The following KEL variants were observed in gnomAD, a reference collection of about 807,000 sequenced individuals.
The protein encoded by KEL is Kell metallo-endopeptidase (Kell blood group).
In KEL, 96 loss-of-function variants were observed where a neutral mutation model predicts 99.5. The ratio of observed to expected loss-of-function variants is 0.97; its 90% confidence interval spans 0.82 to 1.14. KEL has a LOEUF of 1.14. KEL is among the 50% of genes most tolerant of loss of function. The pLI is 0.00. For missense variants in KEL, 926 were observed against 924.2 expected (o/e 1.00, Z -0.03); for synonymous variants, 355 against 354.8 (o/e 1.00, Z -0.01).
At chr7:142,952,809 G>T (rs918619575) in intron 9 of KEL, among the ~76,000 whole-genome samples, 171 bp from the exon 10 acceptor site, 1 of 152,220 alleles carries the variant, frequency 6.6e-6, no homozygotes, top group Non-Finnish European at 1.5e-5. Context: ...CATGATGTAG[G>T]TTGGGGTGGG....
chr7:142,945,198 C>T (rs1013983290), intron 11 of KEL, among the ~76,000 whole-genome samples: 4 of 152,218 alleles, frequency 2.6e-5, no homozygotes, highest in Admixed American at 2.0e-4. Flanking sequence ...CCACAAGTCT[C>T]CCTGCCTTCA....
At chr7:142,943,196 C>G in intron 16 of KEL, 80 bp downstream of exon 16, 1 of 1,567,684 alleles carries the variant, frequency 6.4e-7, no homozygotes, top group Non-Finnish European at 8.7e-7. Context: ...CAAATAACCT[C>G]CCTTTCCCCT....
chr7:142,960,817 G>A, intron 4 of KEL, 111 bp downstream of exon 4: 1 of 1,106,782 alleles, frequency 9.0e-7, no homozygotes, highest in Non-Finnish European at 1.4e-6. Context: ...TCCCACCTGG[G>A]ATGGTGCAAA....
intron 10 of KEL, 42 bp downstream of exon 10, chr7:142,952,463 TACTC>T: frequency 6.2e-7 from 1 of 1,610,396 alleles, no homozygotes; most frequent in Non-Finnish European, 8.5e-7. Flanking sequence ...AAAGAGTAGA[TACTC>T]CTTTCGAGTA....
chr7:142,955,034 C>T (rs374788982), intron 6 of KEL, among the ~76,000 whole-genome samples: 2 of 152,174 alleles, frequency 1.3e-5, no homozygotes, highest in East Asian at 3.9e-4. Flanking sequence ...AAGCTGTAAC[C>T]AATCAAGCTG....
At position 142,943,807 on chromosome 7, in the gene KEL, A is replaced by T; in HGVS notation, c.1568T>A (p.Phe523Tyr). ...CCTGTGTTGGGGGTGAGGCTGCAAG[A>T]AGCTCTGGACAATTCTAGCTCGGAG... is the stretch of plus-strand genomic sequence containing the variant. ...RSLRARIVQS[F>Y]LQPHPQHRWK... Residue 523 changes from phenylalanine (F) to tyrosine (Y), a missense_variant, in exon 14 of 19, where the codon TTC becomes TAC. Phe to Tyr is a conservative substitution (Grantham distance 22). Coordinates refer to ENST00000355265, the MANE Select transcript of KEL (RefSeq NM_000420.3). The T allele has an allele frequency of 6.2e-7, 1 of 1,614,144 alleles. No individual in the cohort carries two copies. Among genetic ancestry groups the T allele is most frequent in the Non-Finnish European group, 8.5e-7 (1 of 1,180,008 alleles).
intron 9 of KEL, 86 bp downstream of exon 9, chr7:142,953,722 C>T: frequency 6.5e-7 from 1 of 1,529,328 alleles, no homozygotes; most frequent in Non-Finnish European, 9.0e-7. Flanking sequence ...AGCCTGCCTT[C>T]CCCAAGGTTT....
chr7:142,952,480 T>C, intron 10 of KEL, 29 bp downstream of exon 10: 2 of 1,612,918 alleles, frequency 1.2e-6, no homozygotes, highest in East Asian at 4.5e-5. Flanking sequence ...TTCGAGTATC[T>C]GGGCAAATAC....
chr7:142,957,929 A>T lies in KEL; in HGVS notation c.570T>A (p.Phe190Leu). ...RISGKWTSLN[F>L]NRTLRLLMSQ... is the part of the protein sequence containing the mutation. ...TCATCAGAAGTCTCAGCGTTCGGTT[A>T]AAGTTTAAGGAAGTCCATTTACCAG... Residue 190 changes from phenylalanine to leucine, a missense_variant, in exon 6 of 19, where the codon TTT becomes TTA. Phe to Leu is a conservative substitution (Grantham distance 22). Coordinates refer to ENST00000355265, the MANE Select transcript of KEL (RefSeq NM_000420.3). 1 of 1,614,108 alleles carries T rather than the reference A, an allele frequency of 6.2e-7. No individual in the cohort carries two copies. The highest frequency in any genetic ancestry group is 1.1e-5 in the South Asian group (1 of 91,076).
chr7:142,958,565 A>T (rs1057144999), intron 4 of KEL, 137 bp from the exon 5 acceptor site: 2 of 797,122 alleles, frequency 2.5e-6, no homozygotes, highest in Non-Finnish European at 4.2e-6. Context: ...CCCATGTAAC[A>T]TGATTTACTT....
At chr7:142,944,133 G>C (rs8176032) in intron 13 of KEL, among the ~76,000 whole-genome samples, 190 bp downstream of exon 13, 3,381 of 152,290 alleles carry the variant, frequency 0.022, 126 homozygotes, top group African/African-American at 0.076. Context: ...GTTGGGACCT[G>C]AAAAGATTCT....
chr7:142,961,709 C>G (rs900741025), intron 2 of KEL, 86 bp downstream of exon 2: 9 of 1,323,274 alleles, frequency 6.8e-6, no homozygotes, highest in Non-Finnish European at 8.7e-6. Context: ...ATGAAGCAGA[C>G]AGTTAGTAGA....
In KEL at chr7:142,961,503, T is replaced by C; in HGVS notation, c.82-2A>G. ...GGGCAGCCTCTCTTCTGGAGTGCTC[T>C]GTGGGAGGAACCAAGAGGTGAAAGA... On this transcript the variant is annotated splice_acceptor_variant, in intron 2 of 18. Coordinates refer to ENST00000355265, the MANE Select transcript of KEL (RefSeq NM_000420.3). LOFTEE classifies it high-confidence loss of function. The C allele has an allele frequency of 1.3e-6, 2 of 1,591,528 alleles. No individual in the cohort carries two copies. Among genetic ancestry groups the C allele is most frequent in the Non-Finnish European group, 1.7e-6 (2 of 1,168,462 alleles).
intron 1 of KEL, 139 bp from the exon 2 acceptor site, chr7:142,962,011 T>C: frequency 6.2e-7 from 1 of 1,610,176 alleles, no homozygotes; most frequent in Non-Finnish European, 8.5e-7. Flanking sequence ...GGAGCAGTGT[T>C]CCCAGATGGG....
At position 142,958,349 on chromosome 7, in the gene KEL, G is replaced by C; in HGVS notation, c.480C>G (p.Ala160=). The C allele has an allele frequency of 1.2e-6, 2 of 1,614,038 alleles. No individual in the cohort carries two copies. Among genetic ancestry groups the C allele is most frequent in the Non-Finnish European group, 1.7e-6 (2 of 1,179,966 alleles). The stretch of plus-strand genomic sequence containing the variant: ...GGGGACCAGTCCCTGCAGCTTCAAT[G>C]GCAAGTGTATCCATGCAGGAGTTGT... ...QFYNSCMDTL[A]IEAAGTGPLR... is the part of the protein sequence containing the mutation. Residue 160 remains alanine, a synonymous_variant, in exon 5 of 19, where the codon GCC becomes GCG. Transcript: ENST00000355265.
intron 4 of KEL, among the ~76,000 whole-genome samples, chr7:142,958,830 A>G (rs1157302855): frequency 6.6e-6 from 1 of 152,206 alleles, no homozygotes; most frequent in Non-Finnish European, 1.5e-5. Flanking sequence ...ATAAGACTTC[A>G]AAAGAACTTC....
intron 10 of KEL, among the ~76,000 whole-genome samples, chr7:142,952,062 A>C (rs953914299): frequency 2.0e-5 from 3 of 152,072 alleles, no homozygotes; most frequent in Non-Finnish European, 2.9e-5. Context: ...ATCCCACTGG[A>C]TGTCAGAGAT....
intron 14 of KEL, 92 bp downstream of exon 14, chr7:142,943,691 A>T: frequency 6.9e-7 from 1 of 1,453,624 alleles, no homozygotes; most frequent in Admixed American, 1.7e-5. Context: ...ATTACTGTTC[A>T]TGCTGCCTGC....
chr7:142,958,482 C>T (rs946851898), intron 4 of KEL, 54 bp from the exon 5 acceptor site: 27 of 1,580,650 alleles, frequency 1.7e-5, no homozygotes, highest in Non-Finnish European at 2.3e-5. Context: ...TTATCTTGCC[C>T]CAAATTCCTA....
Sources: gnomAD v4.1 joint callset for allele counts (sites outside exome capture counted in the v4.1 genomes callset) on GRCh38, gnomAD v4.1.1 for gene constraint, MANE v1.5 for transcripts, NCBI Gene and HGNC (gene_info 2026-07-23, HGNC 2026-07-21) for gene names.